The following HELB variants were observed in gnomAD, a reference collection of about 807,000 sequenced individuals.
HELB encodes the protein DNA 5'-3' helicase B.
HELB carries 96 observed loss-of-function variants against 101.7 expected under a neutral mutation model. The observed-to-expected ratio is 0.94, with a 90% CI of 0.80 to 1.12. The LOEUF (loss-of-function observed/expected upper bound fraction) is 1.12, where lower values mean the gene tolerates loss of function less well. HELB is among the 50% of genes most tolerant of loss of function. HELB has a pLI of 0.00. For missense variants in HELB, 1,210 were observed against 1,291.9 expected, an observed-to-expected ratio of 0.94 and a Z score of 0.97; for synonymous variants, 437 against 459.7, an observed-to-expected ratio of 0.95 and a Z score of 0.63.
chr12:66,326,349 T>G (rs1039784210), intron 11 of HELB, among the ~76,000 whole-genome samples: 3 of 152,110 alleles, frequency 2.0e-5, no homozygotes, highest in African/African-American at 7.2e-5. Flanking sequence ...TTCAAGTGAT[T>G]CTCCTGCCTC....
intron 7 of HELB, 57 bp downstream of exon 7, chr12:66,318,849 C>A: frequency 7.4e-7 from 1 of 1,345,838 alleles, no homozygotes; most frequent in Non-Finnish European, 1.0e-6. Flanking sequence ...AGTTTTGTAA[C>A]ATAGTTATTA....
intron 5 of HELB, 128 bp downstream of exon 5, chr12:66,314,291 A>G (rs1256562900): frequency 3.6e-6 from 3 of 839,500 alleles, no homozygotes; most frequent in Non-Finnish European, 5.6e-6. Context: ...TACCAAAGCT[A>G]CATGAAATTA....
At chr12:66,305,174 C>T (rs1971302) in intron 2 of HELB, 24 bp downstream of exon 2, 1 of 1,376,454 alleles carries the variant, frequency 7.3e-7, no homozygotes, top group Non-Finnish European at 1.0e-6. Flanking sequence ...TTATCATCAA[C>T]TTTCAGTGTA....
At chr12:66,306,078 G>A (rs1407512410) in intron 2 of HELB, among the ~76,000 whole-genome samples, 1 of 152,018 alleles carries the variant, frequency 6.6e-6, no homozygotes, top group Non-Finnish European at 1.5e-5. Context: ...CTGTTATAGT[G>A]CAGGCAGTAG....
chr12:66,325,522 T>C (rs2053727048), intron 11 of HELB, among the ~76,000 whole-genome samples: 1 of 152,190 alleles, frequency 6.6e-6, no homozygotes, highest in Non-Finnish European at 1.5e-5. Context: ...ATTGCTGAGT[T>C]TCTTGGGAAC....
chr12:66,323,981 A>G lies in HELB; in HGVS notation c.2298-2A>G. 6.3e-7 allele frequency: 1 copy of G among 1,593,102 alleles called. No individual in the cohort carries two copies. Among genetic ancestry groups the G allele is most frequent in the Non-Finnish European group, 8.6e-7 (1 of 1,161,560 alleles). On this transcript the variant is annotated splice_acceptor_variant, in intron 9 of 12. Transcript: ENST00000247815. LOFTEE classifies it high-confidence loss of function. The stretch of plus-strand genomic sequence containing the variant: ...ATTATATATTATCATTTTCTATCCC[A>G]GAGACCATCAGAGTAGACTTGTTTT...
In HELB at chr12:66,322,766, C is replaced by T; in HGVS notation, c.2280C>T (p.Tyr760=). The change falls in exon 9 of 13, where the codon TAC becomes TAT. Residue 760 remains tyrosine, a synonymous_variant. Coordinates refer to ENST00000247815, the MANE Select transcript of HELB (RefSeq NM_001370285.1). The part of the protein sequence containing the change: ...DLINDCCCKH[Y]TGHLTKDHQS... Reference sequence around the variant, plus strand: ...TTAATGACTGCTGCTGCAAACACTACACAGGCCACCTCACCAAGTGAGTGT... The same window carrying T: ...TTAATGACTGCTGCTGCAAACACTATACAGGCCACCTCACCAAGTGAGTGT... The T allele has an allele frequency of 6.2e-7, 1 of 1,609,026 alleles. No homozygotes were observed.
intron 9 of HELB, among the ~76,000 whole-genome samples, chr12:66,323,422 C>T (rs10878407): frequency 0.084 from 12,703 of 152,114 alleles, 1,325 homozygotes; most frequent in African/African-American, 0.24. Context: ...CCCTCTCCCA[C>T]GTCTATAAAA....
At chr12:66,328,225 G>C (rs2053765165) in intron 11 of HELB, among the ~76,000 whole-genome samples, 1 of 152,194 alleles carries the variant, frequency 6.6e-6, no homozygotes, top group South Asian at 2.1e-4. Context: ...TTGAGCGCTG[G>C]AAATGTGGCT....
At chr12:66,331,721 G>A in intron 12 of HELB, 76 bp downstream of exon 12, 2 of 1,327,802 alleles carry the variant, frequency 1.5e-6, no homozygotes, top group Non-Finnish European at 2.1e-6. Flanking sequence ...ATGACTGTGT[G>A]CTTTTATTAG....
At chr12:66,328,916 G>A (rs994581489) in intron 11 of HELB, among the ~76,000 whole-genome samples, 3 of 151,978 alleles carry the variant, frequency 2.0e-5, no homozygotes, top group Non-Finnish European at 4.4e-5. Context: ...CTGCATATAT[G>A]ACTTATTTTA....
intron 11 of HELB, among the ~76,000 whole-genome samples, chr12:66,327,066 A>AAAAAAT (rs2053749764): frequency 1.9e-4 from 9 of 46,800 alleles, no homozygotes; most frequent in Non-Finnish European, 2.9e-4. Flanking sequence ...AAAAAAAAAA[A>AAAAAAT]ATATATATAT....
At chr12:66,303,086 CTT>C (rs74262414) in intron 1 of HELB, among the ~76,000 whole-genome samples, 3,146 of 125,560 alleles carry the variant, frequency 0.025, 128 homozygotes, top group African/African-American at 0.088. Flanking sequence ...GCGGGTTGCC[CTT>C]TTTTTTTTTT....
downstream of HELB, chr12:66,342,035 T>A (rs11533611): frequency 0.052 from 7,916 of 152,306 alleles, 567 homozygotes; most frequent in East Asian, 0.17. Context: ...TTTTTGTTGT[T>A]GCTGCTGCTT....
chr12:66,311,180 G>T (rs1227118935), intron 4 of HELB, among the ~76,000 whole-genome samples: 2 of 151,918 alleles, frequency 1.3e-5, no homozygotes. Flanking sequence ...AACCTATTGG[G>T]TTCAGTGCTG....
chr12:66,304,140 G>C (rs558772066), intron 1 of HELB, among the ~76,000 whole-genome samples: 2 of 152,162 alleles, frequency 1.3e-5, no homozygotes, highest in Non-Finnish European at 2.9e-5. Context: ...AAATAACAAG[G>C]TTGCAGTCTT....
At chr12:66,316,877 G>C (rs1383652175) in intron 6 of HELB, among the ~76,000 whole-genome samples, 1 of 151,962 alleles carries the variant, frequency 6.6e-6, no homozygotes, top group African/African-American at 2.4e-5. Context: ...AAATTAGCCG[G>C]GCTTGGTGGC....
At position 66,302,657 on chromosome 12, in the gene HELB, C is replaced by G. The variant is rs759032834; in HGVS notation, c.54C>G (p.Pro18=). ...AACTTCAGGGACCTCTGCTCCCACC[C>G]AGGGATCTGGTGGAGGAGGACGACG... The part of the protein sequence containing the change: ...LRQLQGPLLP[P]RDLVEEDDDY... The change falls in exon 1 of 13, where the codon CCC becomes CCG. Residue 18 remains proline (P), a synonymous_variant. Coordinates refer to ENST00000247815, the MANE Select transcript of HELB (RefSeq NM_001370285.1). The G allele has an allele frequency of 6.2e-7, 1 of 1,614,146 alleles. No homozygotes were observed. Among genetic ancestry groups the G allele is most frequent in the South Asian group, 1.1e-5 (1 of 91,082 alleles).
chr12:66,340,837 T>TG (rs2053913208), downstream of HELB: 1 of 152,944 alleles, frequency 6.5e-6, no homozygotes, highest in Non-Finnish European at 1.5e-5. Context: ...TTATATTTGC[T>TG]GGCAGCTGGT....
Sources: gnomAD v4.1 joint callset for allele counts (sites outside exome capture counted in the v4.1 genomes callset) on GRCh38, gnomAD v4.1.1 for gene constraint, MANE v1.5 for transcripts, NCBI Gene and HGNC (gene_info 2026-07-23, HGNC 2026-07-21) for gene names.